Variants in IPO8 observed in about 807,000 individuals in gnomAD.
IPO8 encodes importin 8.
Under a neutral mutation model 141.2 loss-of-function variants are expected in IPO8, and 65 were observed. That is an observed-to-expected ratio of 0.46 (90% CI 0.38 to 0.57). The LOEUF is 0.57. Ranked by LOEUF, IPO8 falls within the 20% of genes least tolerant of loss-of-function variation. The probability of loss-of-function intolerance (pLI) is 0.00; values close to 1 mark genes in which losing one functional copy is unlikely to be tolerated. For synonymous variants in IPO8, 411 were observed against 420.3 expected (o/e 0.98, Z 0.27); for missense variants, 980 against 1,246.8 (o/e 0.79, Z 3.22).
At position 30,630,737 on chromosome 12, in the gene IPO8, A is replaced by T; in HGVS notation, c.*123T>A. ...GTAGATAAAAGTGCTGCCTAATGCC[A>T]GATGGTAACTGGCACAGCAGGAGGG... On this transcript the variant is annotated 3_prime_UTR_variant, in exon 25 of 25. Transcript: ENST00000256079. The T allele has an allele frequency of 1.4e-6, 1 of 712,236 alleles. No homozygotes were observed. Among genetic ancestry groups the T allele is most frequent in the Non-Finnish European group, 2.4e-6 (1 of 411,734 alleles). 44.1% of individuals were successfully genotyped at this position (712,236 alleles called of 1,614,324 possible).
intron 23 of IPO8, among the ~76,000 whole-genome samples, chr12:30,633,304 T>A (rs1388678914): frequency 6.6e-6 from 1 of 152,206 alleles, no homozygotes; most frequent in Non-Finnish European, 1.5e-5. Flanking sequence ...GGTAAAAACA[T>A]TGGAAACAAT....
chr12:30,669,135 T>G, intron 10 of IPO8, 48 bp downstream of exon 10: 2 of 778,572 alleles, frequency 2.6e-6, no homozygotes, highest in Non-Finnish European at 4.2e-6. Context: ...TTAGTTATAT[T>G]ACTTTACATA....
rs761508622 is a variant in IPO8, at chr12:30,665,250, T to G, written c.1398A>C (p.Leu466Phe). 3 of 1,596,742 alleles carry G rather than the reference T, an allele frequency of 1.9e-6. No homozygotes were observed. The highest frequency in any genetic ancestry group is 2.2e-5 in the South Asian group (2 of 89,514). Residue 466 changes from leucine to phenylalanine, a missense_variant, in exon 13 of 25, where the codon TTA becomes TTC. By Grantham distance (22) the Leu-to-Phe change is conservative. Around this residue, in one of 3 missense-constraint regions of IPO8, gnomAD observed 924 missense variants for 1,153.9 expected, o/e 0.80. Transcript: ENST00000256079. ...CTCGAAGATATCCCAGGTTAGACAA[T>G]AATAATGGAAATACATGATTTTGTA... ...LFLQNHVFPL[L>F]LSNLGYLRAR...
At chr12:30,671,277 T>A (rs933194644) in intron 8 of IPO8, among the ~76,000 whole-genome samples, 181 bp from the exon 9 acceptor site, 66 of 152,316 alleles carry the variant, frequency 4.3e-4, no homozygotes, top group Admixed American at 1.2e-3. Context: ...AGGTCCATGT[T>A]ATATTGAACT....
In IPO8 at chr12:30,635,580, T is replaced by C. The variant is rs1344068236; in HGVS notation, c.2696-1294A>G. On this transcript the variant is annotated intron_variant, in intron 22 of 24. Coordinates refer to ENST00000256079, the MANE Select transcript of IPO8 (RefSeq NM_006390.4). Reference sequence around the variant, plus strand: ...TGTCAATCTGTTCCTAGCAGTTAGATTGTAACTGAAATACTGGAACAGGAA... The same window carrying C: ...TGTCAATCTGTTCCTAGCAGTTAGACTGTAACTGAAATACTGGAACAGGAA... Among the ~76,000 whole-genome samples, 4 of 152,118 alleles carry C rather than the reference T, an allele frequency of 2.6e-5. No individual in the cohort carries two copies. The East Asian group carries it at 7.7e-4, about 29-fold the overall frequency.
chr12:30,673,935 T>C, intron 8 of IPO8, 55 bp downstream of exon 8: 1 of 1,036,158 alleles, frequency 9.7e-7, no homozygotes, highest in Admixed American at 1.9e-5. Flanking sequence ...TAGACAGAAA[T>C]GCCTTTACTT....
chr12:30,695,719 C>G lies in IPO8; in HGVS notation c.-72G>C. On this transcript the variant is annotated 5_prime_UTR_variant, in exon 1 of 25. Transcript: ENST00000256079. This position sits in a 1 kb window ranked among gnomAD's most constrained non-coding sequence, Gnocchi z 4.2. ...GCAGCTTTAGTTTTCTTTTGACCCTCTCAGCCTCCTCTTCCGCGACCCCTG... is the reference window on the plus strand; with the variant it reads ...GCAGCTTTAGTTTTCTTTTGACCCTGTCAGCCTCCTCTTCCGCGACCCCTG... 7.2e-7 allele frequency: 1 copy of G among 1,384,696 alleles called. No individual in the cohort carries two copies. The highest frequency in any genetic ancestry group is 1.2e-5 in the South Asian group (1 of 81,162). 85.8% of individuals were successfully genotyped at this position (1,384,696 alleles called of 1,614,324 possible). A position where few individuals can be genotyped will look rare whatever the true frequency, so the allele number is the denominator to read the frequency against.
At chr12:30,655,907 G>A (rs1017855516) in intron 17 of IPO8, among the ~76,000 whole-genome samples, 3 of 152,172 alleles carry the variant, frequency 2.0e-5, no homozygotes, top group Non-Finnish European at 4.4e-5. Flanking sequence ...CACATGACGT[G>A]GGGCTAGCAT....
chr12:30,654,570 T>C (rs2052772835), intron 17 of IPO8, among the ~76,000 whole-genome samples: 1 of 152,062 alleles, frequency 6.6e-6, no homozygotes, highest in Non-Finnish European at 1.5e-5. Flanking sequence ...ACTGAATGGA[T>C]ATTTCTCAAA....
At chr12:30,677,508 T>C (rs796892591) in intron 5 of IPO8, among the ~76,000 whole-genome samples, 5 of 152,262 alleles carry the variant, frequency 3.3e-5, no homozygotes, top group African/African-American at 1.2e-4. Flanking sequence ...TTTTAAGTTA[T>C]CTAAAACAGC....
intron 17 of IPO8, among the ~76,000 whole-genome samples, chr12:30,655,953 C>T (rs992917935): frequency 2.0e-5 from 3 of 152,180 alleles, no homozygotes; most frequent in African/African-American, 7.2e-5. Context: ...AGACTCACCT[C>T]CTCTACAAAA....
In IPO8 at chr12:30,663,563, A is replaced by G; in HGVS notation, c.1520T>C (p.Ile507Thr). The stretch of plus-strand genomic sequence containing the variant: ...TTTGACAGGCATCTCTTTATCTTCA[A>G]TCAGGCTCTTCTTCGCTAATTCAAC... The part of the protein sequence containing the change: ...NAVELAKKSL[I>T]EDKEMPVKVE... Residue 507 changes from isoleucine to threonine, a missense_variant, in exon 14 of 25, where the codon ATT (isoleucine) becomes ACT (threonine). Physicochemically the swap from Ile to Thr is moderately conservative, Grantham distance 89. Around this residue, in one of 3 missense-constraint regions of IPO8, gnomAD observed 924 missense variants for 1,153.9 expected, o/e 0.80. Transcript: ENST00000256079. 7.4e-6 allele frequency: 12 copies of G among 1,613,874 alleles called. No homozygotes were observed. The highest frequency in any genetic ancestry group is 9.3e-6 in the Non-Finnish European group (11 of 1,179,914).
chr12:30,695,823 T>C lies in IPO8; in HGVS notation c.-176A>G. On this transcript the variant is annotated 5_prime_UTR_variant, in exon 1 of 25. Transcript: ENST00000256079. The surrounding 1 kb of genome is among the most constrained non-coding windows in gnomAD (Gnocchi z 4.2). ...CGCCACTCTGACTCCGCGCCCCCTG[T>C]CCTCCCTTTTTCCCCCCCACAACTC... 1.9e-6 allele frequency: 1 copy of C among 536,462 alleles called. No homozygotes were observed. The highest frequency in any genetic ancestry group is 2.3e-5 in the South Asian group (1 of 44,270). 33.2% of individuals were successfully genotyped at this position (536,462 alleles called of 1,614,324 possible). A position where few individuals can be genotyped will look rare whatever the true frequency, so the allele number is the denominator to read the frequency against.
At chr12:30,643,109 T>A (rs1217489436) in intron 20 of IPO8, among the ~76,000 whole-genome samples, 1 of 152,178 alleles carries the variant, frequency 6.6e-6, no homozygotes, top group Non-Finnish European at 1.5e-5. Context: ...TGAGAAAACA[T>A]TTCTCTTTAC....
intron 2 of IPO8, among the ~76,000 whole-genome samples, chr12:30,686,934 A>T (rs1034156312): frequency 6.6e-6 from 1 of 152,132 alleles, no homozygotes; most frequent in Non-Finnish European, 1.5e-5. Flanking sequence ...ACAATGAGGT[A>T]AAATAAAATT....
rs1591835293 is a variant in IPO8 at position 30,665,412 on chromosome 12, T to C, written c.1339-103A>G. On this transcript the variant is annotated intron_variant, in intron 12 of 24. Transcript: ENST00000256079. Reference sequence around the variant, plus strand: ...TGACTTGCATTTAATATACTTCTAATTTTGTAAAATTATTTGACCTATATA... The same window carrying C: ...TGACTTGCATTTAATATACTTCTAACTTTGTAAAATTATTTGACCTATATA... 17 of 727,824 alleles carry C rather than the reference T, an allele frequency of 2.3e-5. No individual in the cohort carries two copies. In the South Asian group the frequency reaches 2.8e-4, roughly 12 times the overall value. 45.1% of individuals were successfully genotyped at this position (727,824 alleles called of 1,614,324 possible). A position where few individuals can be genotyped will look rare whatever the true frequency, so the allele number is the denominator to read the frequency against.
chr12:30,638,524 TTAAGAAGAA>T (rs2052532981), intron 21 of IPO8, among the ~76,000 whole-genome samples: 1 of 152,170 alleles, frequency 6.6e-6, no homozygotes, highest in Admixed American at 6.5e-5. Context: ...CTCACAAAAC[TTAAGAAGAA>T]TACTATTAAT....
chr12:30,659,707 T>C (rs1184014135), intron 16 of IPO8, among the ~76,000 whole-genome samples: 1 of 150,576 alleles, frequency 6.6e-6, no homozygotes, highest in Non-Finnish European at 1.5e-5. Context: ...TCAAAAAAAT[T>C]AGCTGGGCAT....
chr12:30,665,614 G>A, intron 12 of IPO8, 115 bp downstream of exon 12: 1 of 678,452 alleles, frequency 1.5e-6, no homozygotes, highest in Non-Finnish European at 2.5e-6. Context: ...GGATAGTTGT[G>A]AACTCAATTA....
Sources: gnomAD v4.1 joint callset for allele counts (sites outside exome capture counted in the v4.1 genomes callset) on GRCh38, gnomAD v4.1.1 for gene constraint, gnomAD v4.1.1 regional missense constraint, Gnocchi (gnomAD v3.1) non-coding constraint, MANE v1.5 for transcripts, NCBI Gene and HGNC (gene_info 2026-07-23, HGNC 2026-07-21) for gene names.